The following ZNF618 variants were observed in gnomAD, a reference collection of about 807,000 sequenced individuals.
ZNF618 encodes the protein zinc finger protein 618, also known as neural precursor cell expressed, developmentally down-regulated 10.
ZNF618 carries 34 observed loss-of-function variants against 103.0 expected under a neutral mutation model. The observed-to-expected ratio is 0.33, with a 90% CI of 0.25 to 0.44. The LOEUF (loss-of-function observed/expected upper bound fraction) is 0.44, where lower values mean the gene tolerates loss of function less well. Ranked by LOEUF, ZNF618 falls within the 20% of genes least tolerant of loss-of-function variation. The pLI is 1.00. For synonymous variants in ZNF618, 551 were observed against 542.2 expected, an observed-to-expected ratio of 1.02 and a Z score of -0.23; for missense variants, 1,059 against 1,295.4, an observed-to-expected ratio of 0.82 and a Z score of 2.80.
chr9:113,943,351 G>A (rs971734439), intron 1 of ZNF618, among the ~76,000 whole-genome samples: 1 of 152,166 alleles, frequency 6.6e-6, no homozygotes, highest in Admixed American at 6.5e-5. Flanking sequence ...GGGGGAGAGA[G>A]GGAAGAGAAG....
At chr9:113,968,580 T>A (rs1236088590) in intron 1 of ZNF618, among the ~76,000 whole-genome samples, 2 of 152,174 alleles carry the variant, frequency 1.3e-5, no homozygotes, top group Non-Finnish European at 2.9e-5. Flanking sequence ...TGCATCTGAA[T>A]CAGAATTGTA....
intron 1 of ZNF618, among the ~76,000 whole-genome samples, chr9:113,962,855 TG>T (rs1295483983): frequency 1.3e-5 from 2 of 152,216 alleles, no homozygotes; most frequent in African/African-American, 4.8e-5. Context: ...GCATGCTATA[TG>T]TTTTACTTAT....
intron 2 of ZNF618, among the ~76,000 whole-genome samples, chr9:113,971,841 T>G (rs1375787117): frequency 6.6e-6 from 1 of 152,148 alleles, no homozygotes; most frequent in African/African-American, 2.4e-5. Flanking sequence ...TTCTCCCTGC[T>G]AGCCTAGGCT....
chr9:113,993,954 A>G (rs755489971), intron 3 of ZNF618, among the ~76,000 whole-genome samples: 2 of 152,228 alleles, frequency 1.3e-5, no homozygotes, highest in African/African-American at 4.8e-5. Context: ...GTAACTGGAC[A>G]TAAGCCTGTG....
At chr9:114,005,942 G>A (rs1011078000) in intron 6 of ZNF618, among the ~76,000 whole-genome samples, 13 of 152,136 alleles carry the variant, frequency 8.5e-5, no homozygotes. Flanking sequence ...CCTCTTTCTT[G>A]GATGATTCTG....
intron 3 of ZNF618, 94 bp from the exon 4 acceptor site, chr9:113,998,165 A>T: frequency 8.9e-7 from 1 of 1,123,906 alleles, no homozygotes; most frequent in Non-Finnish European, 1.3e-6. Context: ...GATCTTGTCC[A>T]CGCTTCTCAA....
At chr9:113,928,776 T>C (rs1833317704) in intron 1 of ZNF618, among the ~76,000 whole-genome samples, 2 of 152,334 alleles carry the variant, frequency 1.3e-5, no homozygotes, top group Non-Finnish European at 2.9e-5. Context: ...TGGTTAAGTA[T>C]TAGGGAGAGG....
chr9:113,978,006 T>C (rs543383325), intron 2 of ZNF618, among the ~76,000 whole-genome samples: 18 of 152,372 alleles, frequency 1.2e-4, no homozygotes, highest in Admixed American at 1.0e-3. Flanking sequence ...CTCCAACTAA[T>C]GATATATTTA....
intron 9 of ZNF618, among the ~76,000 whole-genome samples, chr9:114,014,786 C>G (rs900672805): frequency 1.3e-5 from 2 of 151,808 alleles, no homozygotes; most frequent in African/African-American, 4.8e-5. Context: ...TTCAGTAGGT[C>G]TTAGGTGAGT....
intron 13 of ZNF618, among the ~76,000 whole-genome samples, chr9:114,038,711 G>A (rs575238271): frequency 1.3e-5 from 2 of 152,292 alleles, no homozygotes; most frequent in South Asian, 2.1e-4. Flanking sequence ...CTACAATTTT[G>A]TGAGTGCTTT....
At chr9:113,882,660 A>G (rs1828640384) in intron 1 of ZNF618, among the ~76,000 whole-genome samples, 1 of 152,220 alleles carries the variant, frequency 6.6e-6, no homozygotes, top group Non-Finnish European at 1.5e-5. Flanking sequence ...GGATGCTTTC[A>G]TTCCGGGGCT....
intron 1 of ZNF618, among the ~76,000 whole-genome samples, chr9:113,891,468 T>G (rs1264458262): frequency 6.6e-6 from 1 of 152,184 alleles, no homozygotes; most frequent in East Asian, 1.9e-4. Context: ...GCTGTTATTT[T>G]TTTTAAAAAA....
In ZNF618 at chr9:114,049,735, G is replaced by A. The variant is rs1430769431; in HGVS notation, c.2433G>A (p.Gln811=). 6.2e-7 allele frequency: 1 copy of A among 1,613,760 alleles called. No homozygotes were observed. Among genetic ancestry groups the A allele is most frequent in the African/African-American group, 1.3e-5 (1 of 74,956 alleles). Residue 811 remains glutamine (Q), a synonymous_variant, in exon 15 of 15, where the codon CAG becomes CAA. Coordinates refer to ENST00000374126, the MANE Select transcript of ZNF618 (RefSeq NM_001318042.2). ...AHKVAMILDP[Q]QKLRPVPPYQ... ...AGGTGGCCATGATCCTGGACCCGCAGCAGAAGCTGCGGCCTGTGCCACCCT... is the reference window on the plus strand; with the variant it reads ...AGGTGGCCATGATCCTGGACCCGCAACAGAAGCTGCGGCCTGTGCCACCCT...
At chr9:113,975,550 C>T (rs755073159) in intron 2 of ZNF618, among the ~76,000 whole-genome samples, 9 of 152,118 alleles carry the variant, frequency 5.9e-5, no homozygotes, top group Non-Finnish European at 1.2e-4. Context: ...CCAAAATGCT[C>T]CAAAATCCAA....
At chr9:114,031,517 C>G (rs568261371) in intron 11 of ZNF618, among the ~76,000 whole-genome samples, 1 of 152,228 alleles carries the variant, frequency 6.6e-6, no homozygotes, top group Non-Finnish European at 1.5e-5. Flanking sequence ...CTGGCACCCA[C>G]AAACTAAGCA....
chr9:113,951,418 T>C (rs372592903), intron 1 of ZNF618, among the ~76,000 whole-genome samples: 10 of 45,162 alleles, frequency 2.2e-4, no homozygotes, highest in Middle Eastern at 0.018. Flanking sequence ...TATACACACA[T>C]ATATGTGTGT....
chr9:113,909,757 C>T (rs914561730), intron 1 of ZNF618, among the ~76,000 whole-genome samples: 1 of 152,002 alleles, frequency 6.6e-6, no homozygotes, highest in Non-Finnish European at 1.5e-5. Context: ...GTATCCCGCT[C>T]CCCGATACTC....
At chr9:113,992,549 G>A (rs533666903) in intron 3 of ZNF618, among the ~76,000 whole-genome samples, 3 of 152,244 alleles carry the variant, frequency 2.0e-5, no homozygotes, top group Non-Finnish European at 2.9e-5. Context: ...GGCACTTGGC[G>A]GGGAGTGCTG....
At chr9:114,048,036 T>G in intron 14 of ZNF618, 42 bp downstream of exon 14, 1 of 1,504,428 alleles carries the variant, frequency 6.6e-7, no homozygotes, top group Non-Finnish European at 9.1e-7. Context: ...GGTCCCCTTA[T>G]GCTCCAGTTG....
Sources: gnomAD v4.1 joint callset for allele counts (sites outside exome capture counted in the v4.1 genomes callset) on GRCh38, gnomAD v4.1.1 for gene constraint, MANE v1.5 for transcripts, NCBI Gene and HGNC (gene_info 2026-07-23, HGNC 2026-07-21) for gene names.